ANKH: variants seen among roughly 807,000 people sequenced by gnomAD.
The protein encoded by ANKH is ANKH inorganic pyrophosphate transport regulator, also known as mineralization regulator ANKH.
ANKH carries 15 observed loss-of-function variants against 49.0 expected under a neutral mutation model. The ratio of observed to expected loss-of-function variants is 0.31; its 90% CI spans 0.20 to 0.47. The LOEUF (loss-of-function observed/expected upper bound fraction) is 0.47, where lower values mean the gene tolerates loss of function less well. ANKH is among the 20% of genes least tolerant of loss of function. ANKH has a pLI of 1.00. For synonymous variants in ANKH, 273 were observed against 260.0 expected (o/e 1.05, Z -0.48); for missense variants, 429 against 652.0 (o/e 0.66, Z 3.72).
At chr5:14,766,640 A>G (rs1739267929) in intron 2 of ANKH, among the ~76,000 whole-genome samples, 1 of 152,242 alleles carries the variant, frequency 6.6e-6, no homozygotes. Context: ...GTTGAAGGCA[A>G]TTCAACTACT....
At chr5:14,718,621 G>C (rs1737561780) in intron 8 of ANKH, among the ~76,000 whole-genome samples, 1 of 152,082 alleles carries the variant, frequency 6.6e-6, no homozygotes, top group Non-Finnish European at 1.5e-5. Context: ...GACCAGCCTG[G>C]CCAACATGGA....
At chr5:14,788,560 A>T (rs1740053203) in intron 1 of ANKH, among the ~76,000 whole-genome samples, 1 of 152,204 alleles carries the variant, frequency 6.6e-6, no homozygotes, top group African/African-American at 2.4e-5. Context: ...TATCCCCCAA[A>T]GCCTTAGAAT....
In ANKH at chr5:14,749,189, T is replaced by G. The variant is rs1253325147; in HGVS notation, c.805A>C (p.Ser269Arg). The change falls in exon 6 of 12, where the codon AGT becomes CGT. Residue 269 changes from serine (S) to arginine (R), a missense_variant. By Grantham distance (110) the Ser-to-Arg change is moderately radical. This residue lies in a region of ANKH where 378 missense variants were observed against 615.3 expected (regional missense o/e 0.61). Coordinates refer to ENST00000284268, the MANE Select transcript of ANKH (RefSeq NM_054027.6). ...TGGCCCACCTCTGTGGCTGCAGAAC[T>G]GCCACCAAGGTCCCGGGAAACAAAG... The part of the protein sequence containing the change: ...NLFVSRDLGG[S>R]SAATEAVAIL... 3.1e-6 allele frequency: 5 copies of G among 1,613,950 alleles called. No individual in the cohort carries two copies. Among genetic ancestry groups the G allele is most frequent in the Non-Finnish European group, 4.2e-6 (5 of 1,179,940 alleles).
rs1738499408 is a variant in ANKH at position 14,745,379 on chromosome 5, A to AATAT, written c.915+490_915+491insATAT. On this transcript the variant is annotated intron_variant, in intron 7 of 11. Coordinates refer to ENST00000284268, the MANE Select transcript of ANKH (RefSeq NM_054027.6). The surrounding 1 kb of genome is among the most constrained non-coding windows in gnomAD (Gnocchi z 4.7). ...CAGAGCAGCTGTCAACAGGCTTTCC[A>AATAT]CTGGAATACGTCTGCAATATCAAAA... 6.6e-6 allele frequency among the ~76,000 whole-genome samples: 1 copy of AATAT among 152,152 alleles called. No individual in the cohort carries two copies. Among genetic ancestry groups the AATAT allele is most frequent in the Non-Finnish European group, 1.5e-5 (1 of 68,012 alleles).
chr5:14,737,293 C>T lies in ANKH; in HGVS notation c.1011+4534G>A, dbSNP rs924689419. Among the ~76,000 whole-genome samples, 6 of 152,154 alleles carry T rather than the reference C, an allele frequency of 3.9e-5. No individual in the cohort carries two copies. The highest frequency in any genetic ancestry group is 8.8e-5 in the Non-Finnish European group (6 of 68,032). On this transcript the variant is annotated intron_variant, in intron 8 of 11. Transcript: ENST00000284268. The surrounding 1 kb of genome is among the most constrained non-coding windows in gnomAD (Gnocchi z 5.0). ...CGGTGAGTGGTTTCTATCTTATCCC[C>T]ACTTCTAGAGTCCAGGAGGGCACCA... is the stretch of plus-strand genomic sequence containing the variant.
intron 1 of ANKH, among the ~76,000 whole-genome samples, chr5:14,802,804 T>C (rs1325912080): frequency 2.6e-5 from 4 of 152,020 alleles, no homozygotes; most frequent in Non-Finnish European, 5.9e-5. Flanking sequence ...CTGGGTTAGC[T>C]CCCCACCCCC....
chr5:14,867,625 T>C (rs534391022), intron 1 of ANKH, among the ~76,000 whole-genome samples: 73 of 152,084 alleles, frequency 4.8e-4, no homozygotes, highest in African/African-American at 1.7e-3. Context: ...AGTGGCGCAA[T>C]CTCGGCTCAC....
intron 8 of ANKH, among the ~76,000 whole-genome samples, chr5:14,723,533 G>A (rs1737734125): frequency 6.6e-6 from 1 of 152,140 alleles, no homozygotes; most frequent in African/African-American, 2.4e-5. Flanking sequence ...CAGCTACTTG[G>A]GAGGCTAAGG....
chr5:14,738,486 A>G (rs1738253907), intron 8 of ANKH, among the ~76,000 whole-genome samples: 1 of 152,100 alleles, frequency 6.6e-6, no homozygotes, highest in Non-Finnish European at 1.5e-5. Context: ...AACGTTGGCC[A>G]ATGCGTGGAG....
intron 1 of ANKH, among the ~76,000 whole-genome samples, chr5:14,853,574 C>T (rs186250984): frequency 1.3e-5 from 2 of 152,070 alleles, no homozygotes; most frequent in Admixed American, 6.5e-5. Flanking sequence ...AAGACTCTGT[C>T]TCAATAAAAT....
At position 14,715,049 on chromosome 5, in the gene ANKH, C is replaced by T. The variant is rs544606073; in HGVS notation, c.1142-1382G>A. Among the ~76,000 whole-genome samples, 6 of 152,374 alleles carry T rather than the reference C, an allele frequency of 3.9e-5. No homozygotes were observed. The East Asian group carries it at 9.6e-4, about 24-fold the overall frequency. ...TCCAGCCATTTCTCCATTTCTGTCA[C>T]AGCCCAGAAAGTGACGCCGCAAGGC... On this transcript the variant is annotated intron_variant, in intron 9 of 11. Coordinates refer to ENST00000284268, the MANE Select transcript of ANKH (RefSeq NM_054027.6).
intron 1 of ANKH, among the ~76,000 whole-genome samples, chr5:14,775,734 G>A (rs990617848): frequency 2.0e-5 from 3 of 152,178 alleles, no homozygotes; most frequent in African/African-American, 7.2e-5. Flanking sequence ...AAATAGAGAG[G>A]TGTAGAAGGT....
intron 11 of ANKH, 51 bp from the exon 12 acceptor site, chr5:14,711,361 C>T (rs1737195222): frequency 1.3e-6 from 2 of 1,489,402 alleles, no homozygotes; most frequent in Admixed American, 1.7e-5. Flanking sequence ...GGACACTGCA[C>T]AGCAGAACCA....
rs528447575 is a variant in ANKH, at chr5:14,820,248, G to A, written c.97-51057C>T. Among the ~76,000 whole-genome samples, 39 of 152,134 alleles carry A rather than the reference G, an allele frequency of 2.6e-4. No homozygotes were observed. In the South Asian group the frequency reaches 7.1e-3, roughly 28 times the overall value. Reference sequence around the variant, plus strand: ...AGCTTGCCTAATATAGTGTTTTTTAGTTTCATGAATGAGATGAAATAAGAA... The same window carrying A: ...AGCTTGCCTAATATAGTGTTTTTTAATTTCATGAATGAGATGAAATAAGAA... On this transcript the variant is annotated intron_variant, in intron 1 of 11. Coordinates refer to ENST00000284268, the MANE Select transcript of ANKH (RefSeq NM_054027.6).
intron 1 of ANKH, among the ~76,000 whole-genome samples, chr5:14,823,024 A>G (rs1469820062): frequency 6.7e-6 from 1 of 150,350 alleles, no homozygotes; most frequent in African/African-American, 2.5e-5. Flanking sequence ...ACAGAGCCAG[A>G]CTCCGTCTCA....
At chr5:14,759,321 G>A (rs1322589661) in intron 2 of ANKH, among the ~76,000 whole-genome samples, 2 of 152,220 alleles carry the variant, frequency 1.3e-5, no homozygotes, top group Non-Finnish European at 1.5e-5. Context: ...GAATGCATAT[G>A]TGTCAAATAG....
intron 1 of ANKH, among the ~76,000 whole-genome samples, chr5:14,845,871 G>A (rs1000238087): frequency 5.8e-5 from 3 of 51,464 alleles, no homozygotes; most frequent in African/African-American, 2.4e-4. Context: ...TTTTTTTTTG[G>A]TGATGGAATT....
At chr5:14,811,238 C>G (rs1467670052) in intron 1 of ANKH, among the ~76,000 whole-genome samples, 1 of 148,976 alleles carries the variant, frequency 6.7e-6, no homozygotes, top group African/African-American at 2.6e-5. Flanking sequence ...CCTTCATATT[C>G]CTTATTCATA....
At chr5:14,758,762 C>T (rs1738983143) in intron 2 of ANKH, among the ~76,000 whole-genome samples, 164 bp from the exon 3 acceptor site, 1 of 152,148 alleles carries the variant, frequency 6.6e-6, no homozygotes, top group African/African-American at 2.4e-5. Context: ...ATCCCTCTAC[C>T]CAGAGTGGGT....
Sources: allele counts gnomAD v4.1 joint callset (sites outside exome capture counted in the v4.1 genomes callset), GRCh38; gene constraint gnomAD v4.1.1; regional missense constraint gnomAD v4.1.1; non-coding constraint Gnocchi (gnomAD v3.1); transcripts MANE v1.5; gene names NCBI Gene and HGNC (gene_info 2026-07-23, HGNC 2026-07-21).